Variants in MDFIC2 observed in about 807,000 individuals in gnomAD.
MDFIC2 encodes the protein myoD family inhibitor domain-containing protein 2.
chr3:70,229,224 C>T (rs1701536468), intron 2 of MDFIC2, among the ~76,000 whole-genome samples: 1 of 152,128 alleles, frequency 6.6e-6, no homozygotes, highest in South Asian at 2.1e-4. Context: ...GAGGAATGGT[C>T]AGGAAGCAAG....
chr3:70,274,643 G>C (rs1702004576), intron 2 of MDFIC2, among the ~76,000 whole-genome samples: 1 of 152,046 alleles, frequency 6.6e-6, no homozygotes, highest in Non-Finnish European at 1.5e-5. Flanking sequence ...TGGAGCGGTG[G>C]GGAGGGAGAG....
chr3:70,261,204 G>A (rs570144828), intron 2 of MDFIC2, among the ~76,000 whole-genome samples: 1 of 152,256 alleles, frequency 6.6e-6, no homozygotes, highest in South Asian at 2.1e-4. Flanking sequence ...ACATTTGGTG[G>A]TCAAAGCTTT....
intron 2 of MDFIC2, among the ~76,000 whole-genome samples, chr3:70,252,260 C>T (rs1211783620): frequency 6.6e-6 from 1 of 152,160 alleles, no homozygotes; most frequent in Non-Finnish European, 1.5e-5. Context: ...CAATGTATGA[C>T]TTAGGCTTAA....
In MDFIC2 at chr3:70,227,969, G is replaced by T. The variant is rs1022486196; in HGVS notation, c.89-21179C>A. Reference sequence around the variant, plus strand: ...ATAGGTGAATAGTATAACATTCATAGTAAGTATAATATAATAAATAATATT... The same window carrying T: ...ATAGGTGAATAGTATAACATTCATATTAAGTATAATATAATAAATAATATT... On this transcript the variant is annotated intron_variant, in intron 2 of 3. Transcript: ENST00000567252. Among the ~76,000 whole-genome samples the T allele has an allele frequency of 2.0e-5, 3 of 151,682 alleles. No homozygotes were observed. The South Asian group carries it at 6.2e-4, about 31-fold the overall frequency.
intron 2 of MDFIC2, among the ~76,000 whole-genome samples, chr3:70,253,097 A>C (rs1701784949): frequency 6.6e-6 from 1 of 152,116 alleles, no homozygotes; most frequent in Non-Finnish European, 1.5e-5. Context: ...AAAAAAATCG[A>C]AGAGAAACTA....
At chr3:70,304,664 T>C (rs1702383116) in intron 2 of MDFIC2, among the ~76,000 whole-genome samples, 1 of 152,236 alleles carries the variant, frequency 6.6e-6, no homozygotes, top group Non-Finnish European at 1.5e-5. Context: ...TTCAAAGTTG[T>C]ATCCTATCCC....
At chr3:70,273,068 G>A (rs573324903) in intron 2 of MDFIC2, among the ~76,000 whole-genome samples, 1 of 152,320 alleles carries the variant, frequency 6.6e-6, no homozygotes, top group African/African-American at 2.4e-5. Context: ...GTCAAGGGAA[G>A]TTCAGCCAGT....
rs553382110 is a variant in MDFIC2 at position 70,211,822 on chromosome 3, CCCTTTTT to C, written c.89-5039_89-5033del. Among the ~76,000 whole-genome samples, 43 of 148,684 alleles carry C rather than the reference CCCTTTTT, an allele frequency of 2.9e-4. No homozygotes were observed. The South Asian group carries it at 7.0e-3, about 24-fold the overall frequency. ...CCTTTCCTTACCCTTCCCTTCCCTTCCCTTTTTCCTTTTTCCTTTTCCTTCCTTTCTG... is the reference window on the plus strand; with the variant it reads ...CCTTTCCTTACCCTTCCCTTCCCTTCCCTTTTTCCTTTTCCTTCCTTTCTG... On this transcript the variant is annotated intron_variant, in intron 2 of 3. Coordinates refer to ENST00000567252, the MANE Select transcript of MDFIC2 (RefSeq NM_001364677.1).
intron 2 of MDFIC2, among the ~76,000 whole-genome samples, chr3:70,302,969 C>T (rs1320756481): frequency 6.6e-6 from 1 of 152,116 alleles, no homozygotes; most frequent in Non-Finnish European, 1.5e-5. Flanking sequence ...CCTATGAGAA[C>T]ACAGAAGATC....
At chr3:70,240,036 T>C (rs1398902679) in intron 2 of MDFIC2, among the ~76,000 whole-genome samples, 1 of 152,144 alleles carries the variant, frequency 6.6e-6, no homozygotes, top group Non-Finnish European at 1.5e-5. Flanking sequence ...AGGTTAATGA[T>C]AGTTTTGAGT....
At chr3:70,279,495 C>T (rs1702059984) in intron 2 of MDFIC2, among the ~76,000 whole-genome samples, 4 of 152,134 alleles carry the variant, frequency 2.6e-5, no homozygotes, top group Admixed American at 1.3e-4. Context: ...AAATCTTGTG[C>T]ACTTTCTCAG....
intron 2 of MDFIC2, among the ~76,000 whole-genome samples, chr3:70,253,213 C>T (rs1701785740): frequency 6.6e-6 from 1 of 152,088 alleles, no homozygotes; most frequent in Non-Finnish European, 1.5e-5. Flanking sequence ...AGGGTCAGTC[C>T]TTACTGAGAA....
intron 2 of MDFIC2, among the ~76,000 whole-genome samples, chr3:70,264,639 A>T (rs536561068): frequency 1.3e-5 from 2 of 152,248 alleles, no homozygotes; most frequent in Non-Finnish European, 2.9e-5. Flanking sequence ...CTGAGCACTG[A>T]AAGTATGCCA....
intron 2 of MDFIC2, among the ~76,000 whole-genome samples, chr3:70,271,225 T>C (rs1414324907): frequency 6.6e-6 from 1 of 152,120 alleles, no homozygotes; most frequent in Non-Finnish European, 1.5e-5. Context: ...TTATCATTGA[T>C]CTACCTTAGG....
At chr3:70,223,808 G>A (rs2106738746) in intron 2 of MDFIC2, among the ~76,000 whole-genome samples, 1 of 152,168 alleles carries the variant, frequency 6.6e-6, no homozygotes. Flanking sequence ...TTCTTTTAAT[G>A]GTTTTTCTCA....
intron 3 of MDFIC2, among the ~76,000 whole-genome samples, chr3:70,199,526 C>A (rs920918682): frequency 7.9e-5 from 12 of 152,048 alleles, no homozygotes; most frequent in Non-Finnish European, 1.6e-4. Flanking sequence ...GAGTCTCTTG[C>A]CCAAAAACAA....
intron 2 of MDFIC2, among the ~76,000 whole-genome samples, chr3:70,287,421 G>C (rs1482342313): frequency 6.6e-6 from 1 of 151,588 alleles, no homozygotes; most frequent in Non-Finnish European, 1.5e-5. Context: ...CTTGATCATG[G>C]TGGATAAACT....
chr3:70,229,985 G>C (rs931563540), intron 2 of MDFIC2, among the ~76,000 whole-genome samples: 1 of 151,990 alleles, frequency 6.6e-6, no homozygotes, highest in Admixed American at 6.6e-5. Flanking sequence ...TCTAAGATTT[G>C]TACAAAGTAT....
intron 2 of MDFIC2, among the ~76,000 whole-genome samples, chr3:70,294,923 G>A (rs1335411733): frequency 6.6e-6 from 1 of 151,988 alleles, no homozygotes; most frequent in Non-Finnish European, 1.5e-5. Flanking sequence ...CAAAAACAAA[G>A]CAAAGTAAAA....
Sources: allele counts gnomAD v4.1 joint callset (sites outside exome capture counted in the v4.1 genomes callset), GRCh38; gene constraint gnomAD v4.1.1; transcripts MANE v1.5; gene names NCBI Gene and HGNC (gene_info 2026-07-23, HGNC 2026-07-21).